The following RNF38 variants were observed in gnomAD, a reference collection of about 807,000 sequenced individuals.
RNF38 encodes the protein ring finger protein 38.
In RNF38, 15 loss-of-function variants were observed where a neutral mutation model predicts 67.2. That is an observed-to-expected ratio of 0.22 (90% confidence interval 0.15 to 0.34). The LOEUF (loss-of-function observed/expected upper bound fraction) is 0.34. Ranked by LOEUF, RNF38 falls within the 10% of genes least tolerant of loss-of-function variation. RNF38 has a pLI of 1.00. For synonymous variants in RNF38, 220 were observed against 218.8 expected, an observed-to-expected ratio of 1.01 and a Z score of -0.05; for missense variants, 524 against 639.9, an observed-to-expected ratio of 0.82 and a Z score of 1.95.
chr9:36,390,624 A>G lies in RNF38; in HGVS notation c.13-8T>C. 7 of 1,613,842 alleles carry G rather than the reference A, an allele frequency of 4.3e-6. No homozygotes were observed. The highest frequency in any genetic ancestry group is 5.9e-6 in the Non-Finnish European group (7 of 1,179,774). Reference sequence around the variant, plus strand: ...ATTGGCCCCGGGAGATATCTGGGAAAAAGAGGAAGAAAAGGATAGTTCATG... The same window carrying G: ...ATTGGCCCCGGGAGATATCTGGGAAGAAGAGGAAGAAAAGGATAGTTCATG... On this transcript the variant is annotated splice_region_variant and splice_polypyrimidine_tract_variant and intron_variant, in intron 1 of 11. Transcript: ENST00000259605.
intron 1 of RNF38, among the ~76,000 whole-genome samples, chr9:36,440,048 C>G (rs896905171): frequency 6.6e-6 from 1 of 152,088 alleles, no homozygotes; most frequent in Admixed American, 6.6e-5. Flanking sequence ...GAGTTCGAGG[C>G]CAGCCTGGCC....
upstream of RNF38, among the ~76,000 whole-genome samples, chr9:36,403,160 C>T (rs1838099287): frequency 6.6e-6 from 1 of 152,190 alleles, no homozygotes; most frequent in Non-Finnish European, 1.5e-5. Flanking sequence ...AAAGAGCAGG[C>T]AGGCTTTTAA....
At chr9:36,486,213 C>T (rs1587231237) in intron 1 of RNF38, among the ~76,000 whole-genome samples, 1 of 152,292 alleles carries the variant, frequency 6.6e-6, no homozygotes, top group Non-Finnish European at 1.5e-5. Context: ...CTCTCCCTTC[C>T]CTCTAGAACT....
rs2133470130 is a variant in RNF38 at position 36,351,177 on chromosome 9, C to T, written c.1201G>A (p.Ala401Thr). 1.2e-6 allele frequency: 2 copies of T among 1,612,832 alleles called. No individual in the cohort carries two copies. Among genetic ancestry groups the T allele is most frequent in the Non-Finnish European group, 1.7e-6 (2 of 1,179,314 alleles). Residue 401 changes from alanine (A) to threonine (T), a missense_variant, in exon 9 of 12, where the codon GCA (alanine) becomes ACA (threonine). Ala to Thr is a moderately conservative substitution (Grantham distance 58). This residue lies in a region of RNF38 where 461 missense variants were observed against 517.4 expected (regional missense o/e 0.89). Transcript: ENST00000259605. ...YVLSMLPVPP[A>T]VGPTFSFELD... ...TCAAAGCTGAAAGTTGGGCCCACTGCAGGTGGCACTGGAAGCATTGATCTG... is the reference window on the plus strand; with the variant it reads ...TCAAAGCTGAAAGTTGGGCCCACTGTAGGTGGCACTGGAAGCATTGATCTG...
chr9:36,409,307 AAAAGAAAGAAAGAAAGAAAAAG>A (rs1310326005), intron 2 of RNF38, among the ~76,000 whole-genome samples: 9 of 148,124 alleles, frequency 6.1e-5, no homozygotes, highest in Middle Eastern at 3.4e-3. Context: ...GAGAGAAAGA[AAAAGAAAGAAAGAAAGAAAAAG>A]AAAGAAAGAA....
At chr9:36,460,719 C>T (rs2134372306) in intron 1 of RNF38, among the ~76,000 whole-genome samples, 1 of 151,078 alleles carries the variant, frequency 6.6e-6, no homozygotes, top group East Asian at 2.0e-4. Context: ...GAAACCCCAT[C>T]TCTACTAAAA....
At chr9:36,456,607 G>C (rs537686903) in intron 1 of RNF38, among the ~76,000 whole-genome samples, 7 of 152,158 alleles carry the variant, frequency 4.6e-5, no homozygotes, top group Admixed American at 3.9e-4. Context: ...GCCAGTGAAG[G>C]CTGTCTCTCC....
At chr9:36,451,768 G>A (rs1290802733) in intron 1 of RNF38, among the ~76,000 whole-genome samples, 1 of 151,506 alleles carries the variant, frequency 6.6e-6, no homozygotes, top group Non-Finnish European at 1.5e-5. Flanking sequence ...CCAAAGTGCT[G>A]GGATTACAGG....
At chr9:36,433,179 CAA>C (rs540087872) in intron 1 of RNF38, among the ~76,000 whole-genome samples, 1 of 96,608 alleles carries the variant, frequency 1.0e-5, no homozygotes, top group Admixed American at 1.1e-4. Flanking sequence ...TTAATGGGTA[CAA>C]AAAAAAAAAG....
intron 1 of RNF38, among the ~76,000 whole-genome samples, chr9:36,473,809 A>AC (rs1840054715): frequency 1.3e-5 from 2 of 149,784 alleles, no homozygotes; most frequent in South Asian, 4.2e-4. Context: ...AGATGGTGAA[A>AC]CCCCGTCTCT....
chr9:36,484,486 A>T (rs1053821639), intron 1 of RNF38, among the ~76,000 whole-genome samples: 6 of 152,188 alleles, frequency 3.9e-5, no homozygotes, highest in African/African-American at 1.2e-4. Context: ...TATTTAGAGT[A>T]TACTAAATAT....
intron 2 of RNF38, among the ~76,000 whole-genome samples, chr9:36,406,363 G>A (rs978813975): frequency 3.9e-5 from 6 of 152,236 alleles, no homozygotes; most frequent in African/African-American, 1.2e-4. Flanking sequence ...CTACTAATGA[G>A]AAGGCAGTTC....
At chr9:36,346,383 G>A (rs1312901326) in intron 9 of RNF38, among the ~76,000 whole-genome samples, 1 of 152,082 alleles carries the variant, frequency 6.6e-6, no homozygotes, top group Non-Finnish European at 1.5e-5. Flanking sequence ...TAGAGACAGG[G>A]TTTTGCCACG....
At position 36,338,389 on chromosome 9, in the gene RNF38, A is replaced by T; in HGVS notation, c.*1363T>A. The T allele has an allele frequency of 6.6e-6, 1 of 152,176 alleles. No homozygotes were observed. Among genetic ancestry groups the T allele is most frequent in the Admixed American group, 6.5e-5 (1 of 15,276 alleles). 9.4% of individuals were successfully genotyped at this position (152,176 alleles called of 1,614,324 possible). On this transcript the variant is annotated 3_prime_UTR_variant, in exon 12 of 12. Transcript: ENST00000259605. ...CTGTTGTATTAAACTTTTCTCATTC[A>T]AACAAAAATTAAAAGGAAAGGCAGT...
Position 36,356,282 on chromosome 9 carries a change from CATA to C in RNF38, c.909+18_909+20del. Reference sequence around the variant, plus strand: ...ATTAGTTAAAAACTAAACATTCTGACATAATAGTAGAGATACCTACCGATCGTG... The same window carrying C: ...ATTAGTTAAAAACTAAACATTCTGACATAGTAGAGATACCTACCGATCGTG... On this transcript the variant is annotated intron_variant, in intron 6 of 11. Coordinates refer to ENST00000259605, the MANE Select transcript of RNF38 (RefSeq NM_022781.5). The C allele has an allele frequency of 6.2e-7, 1 of 1,611,830 alleles. No individual in the cohort carries two copies. Among genetic ancestry groups the C allele is most frequent in the Non-Finnish European group, 8.5e-7 (1 of 1,178,558 alleles).
intron 2 of RNF38, among the ~76,000 whole-genome samples, chr9:36,384,180 G>A (rs1037486842): frequency 3.3e-5 from 5 of 151,996 alleles, no homozygotes; most frequent in Non-Finnish European, 7.4e-5. Context: ...TCATGTATCT[G>A]TAACTATAAT....
At chr9:36,348,153 G>A (rs749822395) in intron 9 of RNF38, among the ~76,000 whole-genome samples, 22 of 151,902 alleles carry the variant, frequency 1.4e-4, no homozygotes, top group Non-Finnish European at 3.1e-4. Flanking sequence ...CCAAAATGTA[G>A]GCCTCTTGCA....
chr9:36,369,419 CTGTG>C (rs1242276287), intron 4 of RNF38, among the ~76,000 whole-genome samples: 1 of 152,112 alleles, frequency 6.6e-6, no homozygotes, highest in Non-Finnish European at 1.5e-5. Context: ...CGGGGTTTCA[CTGTG>C]TTAGGCTTGT....
chr9:36,454,363 A>G (rs59174235), intron 1 of RNF38, among the ~76,000 whole-genome samples: 4,353 of 152,036 alleles, frequency 0.029, 205 homozygotes, highest in African/African-American at 0.099. Flanking sequence ...TACTGACCTC[A>G]AGTAATCCGC....
Sources: allele counts gnomAD v4.1 joint callset (sites outside exome capture counted in the v4.1 genomes callset), GRCh38; gene constraint gnomAD v4.1.1; regional missense constraint gnomAD v4.1.1; transcripts MANE v1.5; gene names NCBI Gene and HGNC (gene_info 2026-07-23, HGNC 2026-07-21).